Variants in SEMA5A observed in about 807,000 individuals in gnomAD.
The protein encoded by SEMA5A is semaphorin 5A, also known as semaphorin-5A.
Under a neutral mutation model 135.5 loss-of-function variants are expected in SEMA5A, and 55 were observed. The ratio of observed to expected loss-of-function variants is 0.41; its 90% confidence interval spans 0.33 to 0.51. The LOEUF (loss-of-function observed/expected upper bound fraction) is 0.51, where lower values mean the gene tolerates loss of function less well. SEMA5A is among the 20% of genes least tolerant of loss of function. The pLI is 0.37. For synonymous variants in SEMA5A, 580 were observed against 546.5 expected (o/e 1.06, Z -0.85); for missense variants, 1,290 against 1,419.9 (o/e 0.91, Z 1.47).
intron 8 of SEMA5A, among the ~76,000 whole-genome samples, chr5:9,202,672 C>T (rs1271422673): frequency 1.3e-5 from 2 of 152,124 alleles, no homozygotes; most frequent in Admixed American, 6.5e-5. Context: ...TATTTGTGTG[C>T]AAGACAACAA....
intron 1 of SEMA5A, among the ~76,000 whole-genome samples, chr5:9,475,355 T>C (rs939997390): frequency 1.2e-4 from 18 of 152,222 alleles, no homozygotes; most frequent in African/African-American, 4.3e-4. Context: ...CAGTCTTTGT[T>C]TTCTTATTTG....
At position 9,228,837 on chromosome 5, in the gene SEMA5A, T is replaced by C. The variant is rs969448411; in HGVS notation, c.334-1870A>G. ...GCTGGAAATCAGGGGAATCTGGATG[T>C]AATGGTATAGCTCATCTTCTCTTCA... On this transcript the variant is annotated intron_variant, in intron 6 of 22. Transcript: ENST00000382496. Among the ~76,000 whole-genome samples the C allele has an allele frequency of 6.6e-5, 10 of 152,256 alleles. No individual in the cohort carries two copies. In the East Asian group the frequency reaches 9.6e-4, roughly 15 times the overall value.
chr5:9,349,910 A>AAAAC (rs199763404), intron 3 of SEMA5A, among the ~76,000 whole-genome samples: 1 of 151,822 alleles, frequency 6.6e-6, no homozygotes, highest in Non-Finnish European at 1.5e-5. Flanking sequence ...TCAAAAAAAC[A>AAAAC]AAACAAACAA....
intron 15 of SEMA5A, among the ~76,000 whole-genome samples, chr5:9,115,152 CAAT>C (rs959798129): frequency 1.1e-4 from 16 of 152,278 alleles, no homozygotes; most frequent in African/African-American, 3.9e-4. Context: ...CTTATTTCCA[CAAT>C]GATACCAGCA....
chr5:9,542,339 T>C (rs1738137658), intron 1 of SEMA5A, among the ~76,000 whole-genome samples: 1 of 152,204 alleles, frequency 6.6e-6, no homozygotes, highest in Admixed American at 6.5e-5. Context: ...GCATCTCAAT[T>C]TTAAAAGGTT....
chr5:9,207,983 G>A (rs370457939), intron 8 of SEMA5A, among the ~76,000 whole-genome samples: 3 of 152,236 alleles, frequency 2.0e-5, no homozygotes, highest in Admixed American at 6.5e-5. Flanking sequence ...ACATACATGA[G>A]TATAGAGATA....
At chr5:9,527,339 A>C (rs552953984) in intron 1 of SEMA5A, among the ~76,000 whole-genome samples, 3 of 152,336 alleles carry the variant, frequency 2.0e-5, no homozygotes, top group African/African-American at 7.2e-5. Context: ...GAGGCTCCAG[A>C]GGATCTGGAA....
chr5:9,126,588 G>A (rs879525136), intron 13 of SEMA5A, among the ~76,000 whole-genome samples: 5 of 151,920 alleles, frequency 3.3e-5, no homozygotes, highest in Non-Finnish European at 7.4e-5. Context: ...TTATTACAGG[G>A]CCAGGCAAGT....
chr5:9,138,594 TATTTA>T (rs1741892632), intron 12 of SEMA5A, among the ~76,000 whole-genome samples: 1 of 152,212 alleles, frequency 6.6e-6, no homozygotes, highest in African/African-American at 2.4e-5. Context: ...CATTTTATTT[TATTTA>T]TTTTCAATTT....
At chr5:9,342,322 A>G (rs532797465) in intron 3 of SEMA5A, among the ~76,000 whole-genome samples, 1 of 152,302 alleles carries the variant, frequency 6.6e-6, no homozygotes, top group South Asian at 2.1e-4. Flanking sequence ...TGCAGCGCCA[A>G]CTGTCCAGAA....
Position 9,136,545 on chromosome 5 carries a change from G to T in SEMA5A, c.1558C>A (p.Leu520Met), listed in dbSNP as rs765532678. The change falls in exon 13 of 23, where the codon CTG (leucine) becomes ATG (methionine). Residue 520 changes from leucine to methionine, a missense_variant. Transcript: ENST00000382496. The part of the protein sequence containing the change: ...MKKCTSLEES[L>M]SMTQWEQSIS... ...CTCTGTTCCCACTGCGTCATGCTCA[G>T]GCTCTCCTCCAGGCTTGTGCATTTC... 6.2e-7 allele frequency: 1 copy of T among 1,614,174 alleles called. No homozygotes were observed. The highest frequency in any genetic ancestry group is 2.2e-5 in the East Asian group (1 of 44,872).
intron 1 of SEMA5A, among the ~76,000 whole-genome samples, chr5:9,534,467 T>C (rs947283811): frequency 1.1e-4 from 16 of 152,192 alleles, no homozygotes; most frequent in African/African-American, 3.9e-4. Flanking sequence ...TTAAAAGGAC[T>C]CTTGATTACA....
chr5:9,420,040 A>C (rs1757412756), intron 2 of SEMA5A, among the ~76,000 whole-genome samples: 1 of 152,146 alleles, frequency 6.6e-6, no homozygotes, highest in Admixed American at 6.5e-5. Context: ...TGGAGTTCAA[A>C]TAACATAAGG....
At chr5:9,139,724 G>T (rs1424884508) in intron 12 of SEMA5A, among the ~76,000 whole-genome samples, 1 of 152,074 alleles carries the variant, frequency 6.6e-6, no homozygotes, top group African/African-American at 2.4e-5. Context: ...CATGTTATAA[G>T]ATTTTATGCA....
intron 8 of SEMA5A, among the ~76,000 whole-genome samples, chr5:9,207,102 G>GTATATACATA (rs1554003339): frequency 1.0e-5 from 1 of 97,698 alleles, no homozygotes; most frequent in African/African-American, 3.9e-5. Flanking sequence ...ATGATCAAGT[G>GTATATACATA]TATATATATA....
chr5:9,543,985 A>T lies in SEMA5A; in HGVS notation c.-175+1599T>A, dbSNP rs76133164. 5.7e-4 allele frequency among the ~76,000 whole-genome samples: 87 copies of T among 152,302 alleles called. No individual in the cohort carries two copies. In the East Asian group the frequency reaches 0.017, roughly 29 times the overall value. On this transcript the variant is annotated intron_variant, in intron 1 of 22. Transcript: ENST00000382496. The stretch of plus-strand genomic sequence containing the variant: ...TATCTGCTTGAACTGAAGTTGTGTA[A>T]AGTGGTCATGATAAACATTACACTC...
intron 5 of SEMA5A, among the ~76,000 whole-genome samples, chr5:9,314,294 A>G (rs981696458): frequency 1.3e-5 from 2 of 152,068 alleles, no homozygotes; most frequent in African/African-American, 2.4e-5. Flanking sequence ...GCGATCCAGA[A>G]CACTTCAACT....
chr5:9,256,690 A>G (rs1453734266), intron 5 of SEMA5A, among the ~76,000 whole-genome samples: 1 of 152,178 alleles, frequency 6.6e-6, no homozygotes, highest in African/African-American at 2.4e-5. Context: ...TCAACACTTT[A>G]TTTCCTGTAC....
chr5:9,086,245 T>C (rs533117144), intron 16 of SEMA5A, among the ~76,000 whole-genome samples: 66 of 152,246 alleles, frequency 4.3e-4, no homozygotes, highest in African/African-American at 1.5e-3. Flanking sequence ...GGTTTTGAAA[T>C]GTGAGGACAT....
Sources: gnomAD v4.1 joint callset for allele counts (sites outside exome capture counted in the v4.1 genomes callset) on GRCh38, gnomAD v4.1.1 for gene constraint, MANE v1.5 for transcripts, NCBI Gene and HGNC (gene_info 2026-07-23, HGNC 2026-07-21) for gene names.